The following ALDH1L1 variants were observed in gnomAD, a reference collection of about 807,000 sequenced individuals.
The protein encoded by ALDH1L1 is cytosolic 10-formyltetrahydrofolate dehydrogenase.
ALDH1L1 carries 68 observed loss-of-function variants against 101.1 expected under a neutral mutation model. That is an observed-to-expected ratio of 0.67 (90% CI 0.55 to 0.82). The LOEUF (loss-of-function observed/expected upper bound fraction) is 0.82, where lower values mean the gene tolerates loss of function less well. ALDH1L1 is among the 40% of genes least tolerant of loss of function. The pLI, the probability that ALDH1L1 is intolerant of heterozygous loss-of-function variation, is 0.00. For missense variants in ALDH1L1, 1,087 were observed against 1,172.7 expected (o/e 0.93, Z 1.07); for synonymous variants, 486 against 470.8 (o/e 1.03, Z -0.42).
At chr3:126,126,648 G>A (rs1179472956) in intron 14 of ALDH1L1, among the ~76,000 whole-genome samples, 1 of 152,198 alleles carries the variant, frequency 6.6e-6, no homozygotes, top group African/African-American at 2.4e-5. Flanking sequence ...CAGGGAGCAG[G>A]TGAAGCCGTC....
At chr3:126,108,651 C>A (rs556378122) in intron 20 of ALDH1L1, among the ~76,000 whole-genome samples, 1 of 152,240 alleles carries the variant, frequency 6.6e-6, no homozygotes, top group South Asian at 2.1e-4. Context: ...CCCTGTGACA[C>A]GGGCATGCCC....
chr3:126,131,242 G>A (rs550585286), intron 13 of ALDH1L1, 142 bp downstream of exon 13: 2 of 1,114,872 alleles, frequency 1.8e-6, no homozygotes, highest in Non-Finnish European at 2.5e-6. Flanking sequence ...AGGACCACAA[G>A]CTAATAAACA....
At chr3:126,189,150 A>G (rs977764739) in intron 1 of ALDH1L1, among the ~76,000 whole-genome samples, 8 of 152,210 alleles carry the variant, frequency 5.3e-5, no homozygotes, top group Non-Finnish European at 1.0e-4. Context: ...TGCATTAGGT[A>G]TGTTCCTAAA....
intron 9 of ALDH1L1, among the ~76,000 whole-genome samples, chr3:126,140,935 C>T (rs557245106): frequency 2.0e-5 from 3 of 151,926 alleles, no homozygotes; most frequent in Admixed American, 2.0e-4. Context: ...TATTAGTAAC[C>T]AAGTTAAATG....
At chr3:126,132,399 C>G (rs1449491420) in intron 12 of ALDH1L1, among the ~76,000 whole-genome samples, 1 of 152,226 alleles carries the variant, frequency 6.6e-6, no homozygotes, top group Non-Finnish European at 1.5e-5. Context: ...CCCGTGACAG[C>G]TGTCCACGCC....
At chr3:126,197,072 A>G (rs756848041) in intron 1 of ALDH1L1, among the ~76,000 whole-genome samples, 17 of 152,238 alleles carry the variant, frequency 1.1e-4, no homozygotes, top group Non-Finnish European at 1.8e-4. Flanking sequence ...GCTACCAATG[A>G]CATAAAACAA....
chr3:126,164,625 G>T (rs2108311721), intron 1 of ALDH1L1, among the ~76,000 whole-genome samples: 1 of 152,262 alleles, frequency 6.6e-6, no homozygotes, highest in South Asian at 2.1e-4. Flanking sequence ...CACCATTGTT[G>T]GGCACCTAAG....
chr3:126,105,225 G>T, intron 22 of ALDH1L1: 1 of 228,354 alleles, frequency 4.4e-6, no homozygotes, highest in Non-Finnish European at 8.8e-6. Context: ...GATGCAACCT[G>T]AGCCCCTGAC....
chr3:126,130,111 G>C, intron 14 of ALDH1L1, 112 bp downstream of exon 14: 1 of 1,000,084 alleles, frequency 1.0e-6, no homozygotes, highest in Non-Finnish European at 1.4e-6. Flanking sequence ...ATGGATGGCT[G>C]TTTGATAAAT....
intron 5 of ALDH1L1, among the ~76,000 whole-genome samples, chr3:126,155,197 AC>A (rs1271639572): frequency 1.3e-5 from 2 of 152,104 alleles, no homozygotes; most frequent in African/African-American, 4.8e-5. Flanking sequence ...CCTGGAATGG[AC>A]CCTGTTCGCT....
intron 1 of ALDH1L1, among the ~76,000 whole-genome samples, chr3:126,192,796 A>T (rs2081560178): frequency 6.6e-6 from 1 of 152,230 alleles, no homozygotes; most frequent in Non-Finnish European, 1.5e-5. Flanking sequence ...ACTTCAGCTG[A>T]ATTAAATTTA....
rs1249688017 is a variant in ALDH1L1, at chr3:126,103,699, C to T, written c.*92G>A. On this transcript the variant is annotated 3_prime_UTR_variant, in exon 23 of 23. Transcript: ENST00000393434. ...GGCAGGAGGGCTTCCACTAGCCCCC[C>T]AGGTGGGAGGTGCTGTGCACCCAGG... 1 of 1,385,942 alleles carries T rather than the reference C, an allele frequency of 7.2e-7. No homozygotes were observed. The highest frequency in any genetic ancestry group is 1.0e-6 in the Non-Finnish European group (1 of 994,178). 85.9% of individuals were successfully genotyped at this position (1,385,942 alleles called of 1,614,324 possible).
chr3:126,105,624 C>T (rs974112261), intron 22 of ALDH1L1, 102 bp downstream of exon 22: 2 of 1,343,098 alleles, frequency 1.5e-6, no homozygotes. Context: ...ATGTTCAAGG[C>T]TACGTCCCTG....
intron 1 of ALDH1L1, among the ~76,000 whole-genome samples, chr3:126,164,712 C>T (rs987124296): frequency 1.3e-5 from 2 of 152,152 alleles, no homozygotes; most frequent in Admixed American, 6.5e-5. Flanking sequence ...ATATAATGAT[C>T]TATTTTCCTT....
At chr3:126,141,438 T>C (rs141181066) in intron 9 of ALDH1L1, among the ~76,000 whole-genome samples, 113 of 152,210 alleles carry the variant, frequency 7.4e-4, no homozygotes, top group African/African-American at 2.6e-3. Flanking sequence ...TTCTTCATGA[T>C]AAATCATTTG....
At position 126,125,721 on chromosome 3, in the gene ALDH1L1, C is replaced by A. The variant is rs1293824347; in HGVS notation, c.1695G>T (p.Gly565=). 2 of 1,551,076 alleles carry A rather than the reference C, an allele frequency of 1.3e-6. No homozygotes were observed. The highest frequency in any genetic ancestry group is 2.4e-5 in the South Asian group (2 of 82,056). The change falls in exon 15 of 23, where the codon GGG becomes GGT. Residue 565 remains glycine, a splice_region_variant and synonymous_variant. Transcript: ENST00000393434. ...NLTLTRKEPV[G]VCGIIIPWNY... ...TCCAGGGGATGATGATGCCACAAAC[C>A]CTGCCACACAAAAGAGGTTGGCCTT...
intron 1 of ALDH1L1, among the ~76,000 whole-genome samples, chr3:126,193,102 T>C (rs532200905): frequency 1.1e-3 from 175 of 152,310 alleles, no homozygotes; most frequent in Middle Eastern, 3.4e-3. Context: ...AGTTAGGTTT[T>C]CAATCTTGTC....
At chr3:126,196,380 C>CT (rs34527873) in intron 1 of ALDH1L1, among the ~76,000 whole-genome samples, 266 of 139,100 alleles carry the variant, frequency 1.9e-3, no homozygotes, top group Middle Eastern at 7.5e-3. Flanking sequence ...AAGAAAACAG[C>CT]TTTTTTTTTT....
At chr3:126,139,921 A>T (rs1344171972) in intron 9 of ALDH1L1, among the ~76,000 whole-genome samples, 2 of 149,636 alleles carry the variant, frequency 1.3e-5, no homozygotes, top group African/African-American at 4.9e-5. Flanking sequence ...ATAGGATACC[A>T]TGAAACACAC....
Sources: allele counts gnomAD v4.1 joint callset (sites outside exome capture counted in the v4.1 genomes callset), GRCh38; gene constraint gnomAD v4.1.1; transcripts MANE v1.5; gene names NCBI Gene and HGNC (gene_info 2026-07-23, HGNC 2026-07-21).